CFAP299: variants seen among roughly 807,000 people sequenced by gnomAD.
CFAP299 encodes the protein cilia- and flagella-associated protein 299.
CFAP299 carries 21 observed loss-of-function variants against 27.0 expected under a neutral mutation model. The ratio of observed to expected loss-of-function variants is 0.78; its 90% CI spans 0.55 to 1.12. The LOEUF (loss-of-function observed/expected upper bound fraction) is 1.12. Ranked by LOEUF, CFAP299 falls within the 50% of genes most tolerant of loss-of-function variation. The probability of loss-of-function intolerance (pLI) is 0.00; values close to 1 mark genes in which losing one functional copy is unlikely to be tolerated. For missense variants in CFAP299, 310 were observed against 276.6 expected (o/e 1.12, Z -0.86); for synonymous variants, 104 against 98.1 (o/e 1.06, Z -0.36).
At chr4:80,345,272 T>C (rs1722668887) in intron 1 of CFAP299, among the ~76,000 whole-genome samples, 1 of 147,516 alleles carries the variant, frequency 6.8e-6, no homozygotes, top group Non-Finnish European at 1.5e-5. Flanking sequence ...TTCTTTTTGT[T>C]ATTATTATTA....
intron 3 of CFAP299, among the ~76,000 whole-genome samples, chr4:80,597,105 A>G (rs772610619): frequency 6.6e-6 from 1 of 152,168 alleles, no homozygotes; most frequent in Non-Finnish European, 1.5e-5. Context: ...TTGCTAGGTC[A>G]TAGGACCTAT....
At chr4:80,742,133 G>A (rs1182750147) in intron 3 of CFAP299, among the ~76,000 whole-genome samples, 3 of 152,120 alleles carry the variant, frequency 2.0e-5, no homozygotes, top group Non-Finnish European at 4.4e-5. Flanking sequence ...GACTCTTTCA[G>A]TGATATGCAG....
At chr4:80,503,843 A>G (rs2110154472) in intron 2 of CFAP299, among the ~76,000 whole-genome samples, 1 of 152,260 alleles carries the variant, frequency 6.6e-6, no homozygotes, top group South Asian at 2.1e-4. Flanking sequence ...CAAAACATTA[A>G]TGTTCAGTCT....
chr4:80,680,001 T>C (rs148749992), intron 3 of CFAP299, among the ~76,000 whole-genome samples: 109 of 152,208 alleles, frequency 7.2e-4, no homozygotes, highest in African/African-American at 2.5e-3. Flanking sequence ...CTGACTTTAG[T>C]CCTTATCCGT....
chr4:80,832,365 A>G, intron 3 of CFAP299, among the ~76,000 whole-genome samples: 1 of 152,170 alleles, frequency 6.6e-6, no homozygotes, highest in East Asian at 1.9e-4. Flanking sequence ...ATTGGAAAAT[A>G]TGTCTACTAC....
chr4:80,634,334 G>A (rs1739384454), intron 3 of CFAP299, among the ~76,000 whole-genome samples: 1 of 152,044 alleles, frequency 6.6e-6, no homozygotes, highest in South Asian at 2.1e-4. Flanking sequence ...ATGTGCCAGA[G>A]CCACAACAAA....
Position 80,870,002 on chromosome 4 carries a change from T to C in CFAP299, c.343T>C (p.Phe115Leu), listed in dbSNP as rs774977887. The change falls in exon 4 of 6, where the codon TTT (phenylalanine) becomes CTT (leucine). Residue 115 changes from phenylalanine (F) to leucine (L), a missense_variant. Physicochemically the swap from Phe to Leu is conservative, Grantham distance 22. Coordinates refer to ENST00000358105, the MANE Select transcript of CFAP299 (RefSeq NM_152770.3). Reference sequence around the variant, plus strand: ...TATTCTGTGCTACCAGTCCGTGATCTTTATTCGTGACAGAAATTCTCATGG... The same window carrying C: ...TATTCTGTGCTACCAGTCCGTGATCCTTATTCGTGACAGAAATTCTCATGG... Reference protein sequence around the residue: ...NRSGKLSSVIFIRDRNSHGQE... With the variant: ...NRSGKLSSVILIRDRNSHGQE... 1.2e-6 allele frequency: 2 copies of C among 1,611,046 alleles called. No homozygotes were observed. Among genetic ancestry groups the C allele is most frequent in the Non-Finnish European group, 1.7e-6 (2 of 1,178,858 alleles).
intron 3 of CFAP299, among the ~76,000 whole-genome samples, chr4:80,701,462 A>G (rs1428508022): frequency 6.6e-6 from 1 of 152,040 alleles, no homozygotes; most frequent in East Asian, 1.9e-4. Flanking sequence ...GCAAGGAGTG[A>G]TATTTAAAAG....
At chr4:80,391,147 T>C (rs988466625) in intron 2 of CFAP299, among the ~76,000 whole-genome samples, 11 of 152,112 alleles carry the variant, frequency 7.2e-5, no homozygotes, top group Admixed American at 7.2e-4. Flanking sequence ...AGGTTGATTC[T>C]ATATCTTGGT....
intron 3 of CFAP299, among the ~76,000 whole-genome samples, chr4:80,643,763 T>C (rs184430070): frequency 1.3e-5 from 2 of 152,238 alleles, no homozygotes; most frequent in Non-Finnish European, 1.5e-5. Context: ...TCCAGGGAAG[T>C]AAGAATCAAG....
At chr4:80,593,139 C>A (rs1578646308) in intron 3 of CFAP299, among the ~76,000 whole-genome samples, 1 of 152,132 alleles carries the variant, frequency 6.6e-6, no homozygotes, top group Non-Finnish European at 1.5e-5. Context: ...TTGGCAGGTG[C>A]TATTCTTTGG....
intron 2 of CFAP299, among the ~76,000 whole-genome samples, chr4:80,427,706 A>G (rs912407250): frequency 1.3e-5 from 2 of 152,198 alleles, no homozygotes; most frequent in African/African-American, 2.4e-5. Flanking sequence ...TTTCTAAATC[A>G]AGGAGCTGCA....
intron 3 of CFAP299, among the ~76,000 whole-genome samples, chr4:80,678,481 C>T (rs895528837): frequency 2.0e-5 from 3 of 151,926 alleles, no homozygotes; most frequent in Admixed American, 2.0e-4. Context: ...TCTTTAGATC[C>T]TTACAATAAC....
intron 2 of CFAP299, among the ~76,000 whole-genome samples, chr4:80,439,448 G>A (rs763796136): frequency 2.6e-5 from 4 of 152,164 alleles, no homozygotes; most frequent in Admixed American, 6.5e-5. Flanking sequence ...TCAAGGGCTC[G>A]GGGAACTCCC....
chr4:80,748,171 C>G (rs1724728546), intron 3 of CFAP299, among the ~76,000 whole-genome samples: 1 of 152,032 alleles, frequency 6.6e-6, no homozygotes, highest in Admixed American at 6.6e-5. Context: ...TTTCAAATTT[C>G]TCAGAATGTA....
At chr4:80,404,746 G>T (rs1726329671) in intron 2 of CFAP299, among the ~76,000 whole-genome samples, 1 of 152,168 alleles carries the variant, frequency 6.6e-6, no homozygotes, top group African/African-American at 2.4e-5. Context: ...TGTGGACATA[G>T]ATGTACAAAT....
chr4:80,605,307 T>TAC (rs1737598280), intron 3 of CFAP299, among the ~76,000 whole-genome samples: 1 of 152,226 alleles, frequency 6.6e-6, no homozygotes, highest in Non-Finnish European at 1.5e-5. Context: ...TATCTATGAC[T>TAC]TTATTTTCCA....
At chr4:80,883,267 A>G (rs1733805252) in intron 4 of CFAP299, among the ~76,000 whole-genome samples, 2 of 152,264 alleles carry the variant, frequency 1.3e-5, no homozygotes, top group South Asian at 4.1e-4. Flanking sequence ...CCTCACGGTA[A>G]ACACAAATTA....
At chr4:80,461,463 C>T (rs958191562) in intron 2 of CFAP299, among the ~76,000 whole-genome samples, 1 of 152,086 alleles carries the variant, frequency 6.6e-6, no homozygotes, top group Non-Finnish European at 1.5e-5. Context: ...AGATTTCTTT[C>T]AGGGCCTGCT....
Sources: gnomAD v4.1 joint callset for allele counts (sites outside exome capture counted in the v4.1 genomes callset) on GRCh38, gnomAD v4.1.1 for gene constraint, MANE v1.5 for transcripts, NCBI Gene and HGNC (gene_info 2026-07-23, HGNC 2026-07-21) for gene names.